MTFR2: variants seen among roughly 807,000 people sequenced by gnomAD.
MTFR2 encodes DUF729 domain-containing protein 1.
Under a neutral mutation model 41.2 loss-of-function variants are expected in MTFR2, and 44 were observed. That is an observed-to-expected ratio of 1.07 (90% CI 0.84 to 1.37). The LOEUF is 1.37. MTFR2 is among the 40% of genes most tolerant of loss of function. The pLI is 0.00. For missense variants in MTFR2, 452 were observed against 459.5 expected (o/e 0.98, Z 0.15); for synonymous variants, 141 against 154.6 (o/e 0.91, Z 0.65).
At chr6:136,231,925 T>C (rs1359101348) in intron 7 of MTFR2, among the ~76,000 whole-genome samples, 2 of 152,178 alleles carry the variant, frequency 1.3e-5, no homozygotes, top group Non-Finnish European at 2.9e-5. Flanking sequence ...TATGGGATTA[T>C]AGGCACTACA....
chr6:136,246,027 G>A (rs1056767862), intron 2 of MTFR2, among the ~76,000 whole-genome samples: 1 of 152,114 alleles, frequency 6.6e-6, no homozygotes, highest in African/African-American at 2.4e-5. Context: ...GGAGGATTGA[G>A]CATTTATATT....
intron 5 of MTFR2, among the ~76,000 whole-genome samples, chr6:136,241,078 A>G (rs185309074): frequency 0.018 from 2,642 of 150,930 alleles, 62 homozygotes; most frequent in African/African-American, 0.051. Context: ...GCGACAGAGC[A>G]AGACTGCGTC....
chr6:136,241,600 G>C lies in MTFR2; in HGVS notation c.358C>G (p.Pro120Ala), dbSNP rs745543926. ...ACAGTTTCTTTCTGTCTTACAGCAG[G>C]TGACAGTGGATCCCGAACTAGTCGC... ...PLRLVRDPLS[P>A]AVRQKETVKN... is the part of the protein sequence containing the mutation. Residue 120 changes from proline to alanine, a missense_variant, in exon 5 of 8, where the codon CCT becomes GCT. By Grantham distance (27) the Pro-to-Ala change is conservative. Coordinates refer to ENST00000420702, the MANE Select transcript of MTFR2 (RefSeq NM_001099286.3). The C allele has an allele frequency of 6.2e-7, 1 of 1,614,102 alleles. No individual in the cohort carries two copies. Among genetic ancestry groups the C allele is most frequent in the Non-Finnish European group, 8.5e-7 (1 of 1,180,032 alleles).
In MTFR2 at chr6:136,241,428, T is replaced by C; in HGVS notation, c.514+16A>G. 1 of 1,595,994 alleles carries C rather than the reference T, an allele frequency of 6.3e-7. No individual in the cohort carries two copies. The highest frequency in any genetic ancestry group is 8.6e-7 in the Non-Finnish European group (1 of 1,168,356). ...GAGTATCATCTAACTGAAACAAAAA[T>C]CCTACTGTTACTTACTAGAATTTGT... On this transcript the variant is annotated intron_variant, in intron 5 of 7. Coordinates refer to ENST00000420702, the MANE Select transcript of MTFR2 (RefSeq NM_001099286.3).
chr6:136,236,901 T>C (rs550702092), intron 6 of MTFR2, among the ~76,000 whole-genome samples: 1 of 152,308 alleles, frequency 6.6e-6, no homozygotes, highest in South Asian at 2.1e-4. Context: ...AAAAGATCTA[T>C]ATATCCACAA....
At chr6:136,242,725 T>A in intron 4 of MTFR2, 136 bp downstream of exon 4, 1 of 571,630 alleles carries the variant, frequency 1.7e-6, no homozygotes, top group Non-Finnish European at 2.9e-6. Flanking sequence ...CAGTCTTCTT[T>A]ATTAAGAAGA....
intron 2 of MTFR2, among the ~76,000 whole-genome samples, chr6:136,248,198 C>T (rs879571558): frequency 2.0e-5 from 3 of 152,128 alleles, no homozygotes; most frequent in Non-Finnish European, 4.4e-5. Context: ...ATGAATACAA[C>T]CATGTATTAC....
At chr6:136,247,472 C>T (rs1166594145) in intron 2 of MTFR2, 6 of 455,456 alleles carry the variant, frequency 1.3e-5, no homozygotes, top group Admixed American at 2.4e-5. Context: ...TTCTCAAAGG[C>T]GGTGCTCAAT....
At chr6:136,248,975 T>C in intron 2 of MTFR2, 62 bp downstream of exon 2, 1 of 1,456,786 alleles carries the variant, frequency 6.9e-7, no homozygotes, top group East Asian at 2.3e-5. Context: ...ATATAAGTCA[T>C]TTTCAAAATG....
chr6:136,231,246 G>A lies in MTFR2; in HGVS notation c.*29C>T, dbSNP rs371998160. 2.6e-5 allele frequency: 36 copies of A among 1,405,942 alleles called. No individual in the cohort carries two copies. Among genetic ancestry groups the A allele is most frequent in the Non-Finnish European group, 3.2e-5 (32 of 1,002,332 alleles). 87.1% of individuals were successfully genotyped at this position (1,405,942 alleles called of 1,614,324 possible). On this transcript the variant is annotated 3_prime_UTR_variant, in exon 8 of 8. Transcript: ENST00000420702. ...ATTTATCATCCAGGAAGAAGTTTTG[G>A]AAGTTTAAAGCTCAACCTTAAGTTG... is the stretch of plus-strand genomic sequence containing the variant.
intron 5 of MTFR2, among the ~76,000 whole-genome samples, chr6:136,240,415 T>C (rs1780024507): frequency 6.6e-6 from 1 of 151,712 alleles, no homozygotes. Flanking sequence ...GTTATAAATA[T>C]ACACTGTATA....
chr6:136,247,080 G>A (rs948084604), intron 2 of MTFR2, among the ~76,000 whole-genome samples: 84 of 152,186 alleles, frequency 5.5e-4, no homozygotes, highest in African/African-American at 2.0e-3. Context: ...CCAGGCGCAG[G>A]GGCTCACGCC....
chr6:136,247,503 A>G, intron 2 of MTFR2: 2 of 456,200 alleles, frequency 4.4e-6, no homozygotes, highest in South Asian at 3.1e-5. Flanking sequence ...GTGGATCTTA[A>G]ATTTCTTCCT....
At chr6:136,233,190 A>C (rs1779811474) in intron 7 of MTFR2, 135 bp downstream of exon 7, 2 of 633,482 alleles carry the variant, frequency 3.2e-6, no homozygotes, top group African/African-American at 3.7e-5. Flanking sequence ...AACCCCAGAA[A>C]CATTAGCAGC....
At chr6:136,241,399 C>T in intron 5 of MTFR2, 45 bp downstream of exon 5, 2 of 1,518,020 alleles carry the variant, frequency 1.3e-6, no homozygotes, top group South Asian at 1.2e-5. Context: ...ATAGGCTATA[C>T]CATGAGTATC....
chr6:136,232,684 T>A (rs1387560803), intron 7 of MTFR2, among the ~76,000 whole-genome samples: 1 of 152,220 alleles, frequency 6.6e-6, no homozygotes, highest in Non-Finnish European at 1.5e-5. Context: ...TCAAGGCTTA[T>A]TCTTATGTGT....
Position 136,239,783 on chromosome 6 carries a change from A to G in MTFR2, c.552T>C (p.Gly184=). 6.2e-7 allele frequency: 1 copy of G among 1,613,436 alleles called. No homozygotes were observed. The highest frequency in any genetic ancestry group is 1.7e-4 in the Middle Eastern group (1 of 6,056). The stretch of plus-strand genomic sequence containing the variant: ...GGGCAGCCCGCGATGATGACAGCTG[A>G]CCCAAACTAATGCGCTCGTCACTCA... ...FGLSDERISL[G]QLSSSRAAHL... Residue 184 remains glycine, a synonymous_variant, in exon 6 of 8, where the codon GGT becomes GGC. Transcript: ENST00000420702.
Position 136,244,883 on chromosome 6 carries a change from AAAGTATGAATTAAAATGCACTC to A in MTFR2, c.64-36_64-15del. The A allele has an allele frequency of 6.4e-7, 1 of 1,555,330 alleles. No individual in the cohort carries two copies. The highest frequency in any genetic ancestry group is 8.8e-7 in the Non-Finnish European group (1 of 1,133,512). On this transcript the variant is annotated splice_polypyrimidine_tract_variant and intron_variant, in intron 2 of 7. Coordinates refer to ENST00000420702, the MANE Select transcript of MTFR2 (RefSeq NM_001099286.3). ...AATCAGCAAAACCTATTTTAAACAT[AAAGTATGAATTAAAATGCACTC>A]TGATTAAGCATATTTATATAAGTAT...
At chr6:136,236,672 C>T (rs529272219) in intron 6 of MTFR2, among the ~76,000 whole-genome samples, 3 of 152,276 alleles carry the variant, frequency 2.0e-5, no homozygotes, top group Non-Finnish European at 2.9e-5. Flanking sequence ...GGTTTCCCTT[C>T]TCTTTCCTCT....
Sources: allele counts gnomAD v4.1 joint callset (sites outside exome capture counted in the v4.1 genomes callset), GRCh38; gene constraint gnomAD v4.1.1; transcripts MANE v1.5; gene names NCBI Gene and HGNC (gene_info 2026-07-23, HGNC 2026-07-21).